The following RRBP1 variants were observed in gnomAD, a reference collection of about 807,000 sequenced individuals.
The protein encoded by RRBP1 is ribosome-binding protein 1.
RRBP1 carries 94 observed loss-of-function variants against 165.2 expected under a neutral mutation model. The ratio of observed to expected loss-of-function variants is 0.57; its 90% CI spans 0.48 to 0.68. The LOEUF is 0.68. RRBP1 is among the 30% of genes least tolerant of loss of function. RRBP1 has a pLI of 0.00. For missense variants in RRBP1, 1,676 were observed against 1,763.0 expected, an observed-to-expected ratio of 0.95 and a Z score of 0.88; for synonymous variants, 680 against 714.5, an observed-to-expected ratio of 0.95 and a Z score of 0.77.
intron 3 of RRBP1, among the ~76,000 whole-genome samples, chr20:17,650,900 T>A (rs1007248334): frequency 2.0e-5 from 3 of 152,208 alleles, no homozygotes; most frequent in Non-Finnish European, 2.9e-5. Context: ...TAGATTTTTT[T>A]AAAAACCAAC....
rs1436452294 is a variant in RRBP1, at chr20:17,659,655, C to T, written c.853G>A (p.Ala285Thr). The T allele has an allele frequency of 1.3e-6, 2 of 1,550,278 alleles. No homozygotes were observed. The highest frequency in any genetic ancestry group is 3.9e-5 in the Admixed American group (2 of 50,986). ...TPNQGKKVEG[A>T]PTQGRKAEGA... ...TCGGCCTTTCTGCCCTGGGTTGGGGCCCCCTCCACCTTTTTCCCCTGGTTT... is the reference window on the plus strand; with the variant it reads ...TCGGCCTTTCTGCCCTGGGTTGGGGTCCCCTCCACCTTTTTCCCCTGGTTT... Residue 285 changes from alanine (A) to threonine (T), a missense_variant, in exon 3 of 25, where the codon GCC becomes ACC. Ala to Thr is a moderately conservative substitution (Grantham distance 58). Around this residue, in one of 5 missense-constraint regions of RRBP1, gnomAD observed 392 missense variants for 382.5 expected, o/e 1.02. Coordinates refer to ENST00000377813, the MANE Select transcript of RRBP1 (RefSeq NM_001365613.2).
chr20:17,614,466 A>C (rs1256146201), intron 24 of RRBP1, among the ~76,000 whole-genome samples: 1 of 152,122 alleles, frequency 6.6e-6, no homozygotes, highest in Admixed American at 6.5e-5. Flanking sequence ...ACACAGGTGC[A>C]AAGTGAGGAC....
chr20:17,621,801 CG>C (rs2035919247), intron 14 of RRBP1, 28 bp from the exon 15 acceptor site: 2 of 1,613,412 alleles, frequency 1.2e-6, no homozygotes, highest in African/African-American at 2.7e-5. Context: ...CGGTGAGACC[CG>C]GGGACATTCC....
intron 2 of RRBP1, among the ~76,000 whole-genome samples, chr20:17,669,184 T>C (rs1178597879): frequency 1.3e-5 from 2 of 152,248 alleles, no homozygotes; most frequent in Admixed American, 1.3e-4. Flanking sequence ...TACTCTATTA[T>C]AAGCCTTTGC....
chr20:17,636,132 G>A (rs1256742539), intron 6 of RRBP1, among the ~76,000 whole-genome samples: 1 of 152,234 alleles, frequency 6.6e-6, no homozygotes, highest in African/African-American at 2.4e-5. Flanking sequence ...TGACTACAGG[G>A]CCAGTCTGGG....
chr20:17,669,640 C>T (rs2036937832), intron 2 of RRBP1, among the ~76,000 whole-genome samples: 1 of 152,162 alleles, frequency 6.6e-6, no homozygotes, highest in Admixed American at 6.5e-5. Flanking sequence ...CCCAAGTTTC[C>T]AGATGGGAAA....
intron 3 of RRBP1, among the ~76,000 whole-genome samples, chr20:17,657,979 G>A (rs1005177036): frequency 3.3e-5 from 5 of 152,300 alleles, no homozygotes; most frequent in South Asian, 2.1e-4. Context: ...CTGACAGAAC[G>A]CAGCCAGACA....
chr20:17,618,790 A>C, intron 19 of RRBP1, 111 bp from the exon 20 acceptor site: 1 of 791,250 alleles, frequency 1.3e-6, no homozygotes, highest in Non-Finnish European at 2.1e-6. Flanking sequence ...CTTAACCAAA[A>C]CCCTGAGGAG....
intron 3 of RRBP1, among the ~76,000 whole-genome samples, chr20:17,652,299 T>A (rs191501499): frequency 3.5e-4 from 53 of 152,352 alleles, no homozygotes; most frequent in Middle Eastern, 3.4e-3. Context: ...ATGTGGCTAG[T>A]GTGACTGAGG....
rs538454991 is a variant in RRBP1, at chr20:17,654,973, G to A, written c.1912+3623C>T. ...TCACAATGGCAAAGAGAGTATTTAA[G>A]ATAATATATCAAGACCCAATTTTAT... On this transcript the variant is annotated intron_variant, in intron 3 of 24. Coordinates refer to ENST00000377813, the MANE Select transcript of RRBP1 (RefSeq NM_001365613.2). Among the ~76,000 whole-genome samples the A allele has an allele frequency of 1.8e-3, 279 of 152,286 alleles. 4 individuals carry two copies. Among genetic ancestry groups the A allele is most frequent in the Middle Eastern group, 3.4e-3 (1 of 294 alleles).
chr20:17,653,758 C>T (rs2036599305), intron 3 of RRBP1, among the ~76,000 whole-genome samples: 1 of 150,148 alleles, frequency 6.7e-6, no homozygotes, highest in South Asian at 2.1e-4. Context: ...TGCTTAAACC[C>T]AAGAGGCAGA....
intron 3 of RRBP1, among the ~76,000 whole-genome samples, chr20:17,649,416 A>C (rs2036518633): frequency 6.6e-6 from 1 of 152,186 alleles, no homozygotes; most frequent in African/African-American, 2.4e-5. Flanking sequence ...AACAGGTAAA[A>C]ATTCAAATCC....
chr20:17,618,961 A>ATT, intron 19 of RRBP1: 9 of 385,924 alleles, frequency 2.3e-5, no homozygotes, highest in Non-Finnish European at 3.4e-5. Flanking sequence ...GTTGGAGATG[A>ATT]TTTTTTTTTT....
Position 17,633,555 on chromosome 20 carries a change from C to A in RRBP1, c.2515G>T (p.Val839Leu). The stretch of plus-strand genomic sequence containing the variant: ...TGCCGCACAGCCTCTGACTTCTCCA[C>A]CAGCTCTTTGCTGACCTTGCTGAGC... ...QELSKVSKELVEKSEAVRQDE... is the reference protein window; with the variant it reads ...QELSKVSKELLEKSEAVRQDE... The change falls in exon 8 of 25, where the codon GTG (valine) becomes TTG (leucine). Residue 839 changes from valine (V) to leucine (L), a missense_variant. Physicochemically the swap from Val to Leu is conservative, Grantham distance 32 (BLOSUM62 1). This residue lies in a region of RRBP1 where 1,184 missense variants were observed against 1,167.1 expected (regional missense o/e 1.01). Coordinates refer to ENST00000377813, the MANE Select transcript of RRBP1 (RefSeq NM_001365613.2). The A allele has an allele frequency of 6.2e-7, 1 of 1,614,102 alleles. No individual in the cohort carries two copies. Among genetic ancestry groups the A allele is most frequent in the Non-Finnish European group, 8.5e-7 (1 of 1,180,040 alleles).
intron 23 of RRBP1, 86 bp from the exon 24 acceptor site, chr20:17,614,966 G>A (rs2122231956): frequency 1.8e-5 from 26 of 1,476,076 alleles, no homozygotes; most frequent in Non-Finnish European, 2.0e-5. Context: ...TGACGCCAGG[G>A]GCTGGAGCCC....
At chr20:17,641,448 A>C in intron 5 of RRBP1, 1 of 279,294 alleles carries the variant, frequency 3.6e-6, no homozygotes, top group Non-Finnish European at 6.8e-6. Flanking sequence ...CACAGCCCCT[A>C]GAAAGCTGGC....
chr20:17,672,016 G>A (rs1427706750), intron 2 of RRBP1, among the ~76,000 whole-genome samples: 1 of 152,210 alleles, frequency 6.6e-6, no homozygotes, highest in Non-Finnish European at 1.5e-5. Context: ...CCAGGAGGCT[G>A]GCTGTGCCAG....
chr20:17,652,342 G>A (rs2036573368), intron 3 of RRBP1, among the ~76,000 whole-genome samples: 1 of 152,206 alleles, frequency 6.6e-6, no homozygotes, highest in East Asian at 1.9e-4. Flanking sequence ...ACTTCTGACT[G>A]ATTTAGGTGA....
intron 18 of RRBP1, 32 bp from the exon 19 acceptor site, chr20:17,619,760 C>A (rs7274922): frequency 6.6e-7 from 1 of 1,506,508 alleles, no homozygotes; most frequent in South Asian, 1.2e-5. Context: ...CACACGCATG[C>A]GCCAGCAGCC....
Sources: gnomAD v4.1 joint callset for allele counts (sites outside exome capture counted in the v4.1 genomes callset) on GRCh38, gnomAD v4.1.1 for gene constraint, gnomAD v4.1.1 regional missense constraint, MANE v1.5 for transcripts, NCBI Gene and HGNC (gene_info 2026-07-23, HGNC 2026-07-21) for gene names.